The following BBS9 variants were observed in gnomAD, a reference collection of about 807,000 sequenced individuals.
The protein encoded by BBS9 is protein PTHB1.
A neutral mutation model predicts 117.7 loss-of-function variants in BBS9; 89 were observed. The observed-to-expected ratio is 0.76, with a 90% confidence interval of 0.64 to 0.90. The LOEUF is 0.90. BBS9 is among the 40% of genes least tolerant of loss of function. The pLI, the probability that BBS9 is intolerant of heterozygous loss-of-function variation, is 0.00. For missense variants in BBS9, 982 were observed against 1,042.2 expected, an observed-to-expected ratio of 0.94 and a Z score of 0.80; for synonymous variants, 379 against 370.9, an observed-to-expected ratio of 1.02 and a Z score of -0.25.
intron 6 of BBS9, among the ~76,000 whole-genome samples, chr7:33,263,061 GT>G (rs1798221383): frequency 2.6e-5 from 4 of 151,760 alleles, no homozygotes; most frequent in Admixed American, 2.6e-4. Flanking sequence ...CCTACTATAT[GT>G]TTATAAAATG....
At chr7:33,175,498 G>C (rs1009294256) in intron 4 of BBS9, among the ~76,000 whole-genome samples, 1 of 152,002 alleles carries the variant, frequency 6.6e-6, no homozygotes, top group Non-Finnish European at 1.5e-5. Context: ...TCAGGTGTTG[G>C]GCAGCCCTCA....
intron 19 of BBS9, among the ~76,000 whole-genome samples, chr7:33,487,653 C>A (rs1843301035): frequency 6.6e-6 from 1 of 152,124 alleles, no homozygotes; most frequent in Admixed American, 6.5e-5. Context: ...AGGAAGAGAT[C>A]TGGGCCATTT....
At position 33,313,067 on chromosome 7, in the gene BBS9, G is replaced by A. The variant is rs201609625; in HGVS notation, c.1017-23374G>A. Among the ~76,000 whole-genome samples, 10 of 151,732 alleles carry A rather than the reference G, an allele frequency of 6.6e-5. No individual in the cohort carries two copies. The South Asian group carries it at 8.3e-4, about 13-fold the overall frequency. On this transcript the variant is annotated intron_variant, in intron 9 of 22. Coordinates refer to ENST00000242067, the MANE Select transcript of BBS9 (RefSeq NM_198428.3). ...TGTGTGTGTGTGTGTGTGTGTGTGCGCGCACAGGCACGTATTTGTATTTGT... is the reference window on the plus strand; with the variant it reads ...TGTGTGTGTGTGTGTGTGTGTGTGCACGCACAGGCACGTATTTGTATTTGT...
At chr7:33,322,297 G>A (rs987235098) in intron 9 of BBS9, among the ~76,000 whole-genome samples, 27 of 149,270 alleles carry the variant, frequency 1.8e-4, no homozygotes, top group African/African-American at 6.4e-4. Context: ...AGTAGAATTG[G>A]TGTTAGTTTT....
At chr7:33,435,013 T>C (rs760422509) in intron 19 of BBS9, among the ~76,000 whole-genome samples, 4 of 152,172 alleles carry the variant, frequency 2.6e-5, no homozygotes, top group Non-Finnish European at 4.4e-5. Context: ...TCATCTCCTT[T>C]ATAAAGACTA....
intron 21 of BBS9, among the ~76,000 whole-genome samples, chr7:33,593,511 G>T (rs546575676): frequency 1.9e-4 from 29 of 152,046 alleles, no homozygotes; most frequent in Non-Finnish European, 3.5e-4. Flanking sequence ...AGAAAAAACA[G>T]ATGTAATGCA....
intron 19 of BBS9, among the ~76,000 whole-genome samples, chr7:33,450,631 G>A (rs1458260478): frequency 1.3e-5 from 2 of 152,140 alleles, no homozygotes; most frequent in African/African-American, 4.8e-5. Flanking sequence ...TACTGATGTT[G>A]AGCATCTTTT....
intron 5 of BBS9, among the ~76,000 whole-genome samples, chr7:33,204,799 A>G (rs1444720064): frequency 2.0e-5 from 3 of 152,220 alleles, no homozygotes; most frequent in Non-Finnish European, 4.4e-5. Context: ...GACTAGTATA[A>G]AATATACTTA....
intron 9 of BBS9, among the ~76,000 whole-genome samples, chr7:33,303,519 C>CCCA (rs1806955554): frequency 1.6e-5 from 1 of 60,686 alleles, no homozygotes; most frequent in Non-Finnish European, 2.9e-5. Flanking sequence ...TGAAATGATC[C>CCCA]CCTCCCCCCG....
At chr7:33,550,309 G>A (rs1191210709) in intron 21 of BBS9, among the ~76,000 whole-genome samples, 1 of 151,858 alleles carries the variant, frequency 6.6e-6, no homozygotes, top group Non-Finnish European at 1.5e-5. Flanking sequence ...AGATTTTAGG[G>A]TGCCTAGATA....
intron 19 of BBS9, among the ~76,000 whole-genome samples, chr7:33,502,220 C>A (rs1845558266): frequency 6.6e-6 from 1 of 152,104 alleles, no homozygotes; most frequent in Non-Finnish European, 1.5e-5. Flanking sequence ...AATATCTATT[C>A]TTTAGGACAC....
intron 5 of BBS9, among the ~76,000 whole-genome samples, chr7:33,202,986 C>A (rs1016177370): frequency 6.6e-6 from 1 of 152,174 alleles, no homozygotes; most frequent in Non-Finnish European, 1.5e-5. Flanking sequence ...ACAAGGGGCT[C>A]CCCCAATAAC....
intron 21 of BBS9, among the ~76,000 whole-genome samples, chr7:33,614,361 C>G (rs894586675): frequency 1.3e-5 from 2 of 152,010 alleles, no homozygotes; most frequent in Admixed American, 6.6e-5. Flanking sequence ...TACCCACCCT[C>G]TTTATATTGT....
At chr7:33,500,437 C>G (rs887993418) in intron 19 of BBS9, among the ~76,000 whole-genome samples, 1 of 152,210 alleles carries the variant, frequency 6.6e-6, no homozygotes, top group African/African-American at 2.4e-5. Context: ...CCCTTATCTT[C>G]CCTTATTCAT....
intron 19 of BBS9, among the ~76,000 whole-genome samples, chr7:33,483,798 T>G (rs1322104377): frequency 6.6e-6 from 1 of 152,056 alleles, no homozygotes; most frequent in Non-Finnish European, 1.5e-5. Flanking sequence ...CAGCTAATTT[T>G]TATTTATTTA....
intron 9 of BBS9, among the ~76,000 whole-genome samples, chr7:33,315,502 C>T (rs1017172558): frequency 1.3e-5 from 2 of 152,030 alleles, no homozygotes; most frequent in African/African-American, 2.4e-5. Flanking sequence ...ATGATTCCTC[C>T]GTAATTTCCC....
At chr7:33,272,670 A>G (rs1403076454) in intron 7 of BBS9, among the ~76,000 whole-genome samples, 1 of 152,180 alleles carries the variant, frequency 6.6e-6, no homozygotes, top group East Asian at 1.9e-4. Context: ...ATGTACAATC[A>G]TAATGATAGT....
chr7:33,186,224 A>G (rs972111237), intron 5 of BBS9, among the ~76,000 whole-genome samples: 2 of 152,214 alleles, frequency 1.3e-5, no homozygotes, highest in African/African-American at 4.8e-5. Context: ...TAAATGCTGA[A>G]TTTCTGACAA....
At chr7:33,326,172 T>C (rs59066744) in intron 9 of BBS9, among the ~76,000 whole-genome samples, 7,342 of 152,166 alleles carry the variant, frequency 0.048, 230 homozygotes, top group East Asian at 0.15. Flanking sequence ...TGCTCTGTTT[T>C]AGTACAGTGA....
Sources: allele counts gnomAD v4.1 joint callset (sites outside exome capture counted in the v4.1 genomes callset), GRCh38; gene constraint gnomAD v4.1.1; transcripts MANE v1.5; gene names NCBI Gene and HGNC (gene_info 2026-07-23, HGNC 2026-07-21).